The following GRM1 variants were observed in gnomAD, a reference collection of about 807,000 sequenced individuals.
GRM1 encodes metabotropic glutamate receptor 1.
In GRM1, 33 loss-of-function variants were observed where a neutral mutation model predicts 90.9. That is an observed-to-expected ratio of 0.36 (90% CI 0.28 to 0.49). The LOEUF is 0.49. GRM1 is among the 20% of genes least tolerant of loss of function. The pLI, the probability that GRM1 is intolerant of heterozygous loss-of-function variation, is 0.99. For missense variants in GRM1, 1,190 were observed against 1,534.3 expected (o/e 0.78, Z 3.75); for synonymous variants, 700 against 613.2 (o/e 1.14, Z -2.09).
chr6:146,227,833 G>T (rs1780299829), intron 2 of GRM1, among the ~76,000 whole-genome samples: 1 of 152,180 alleles, frequency 6.6e-6, no homozygotes, highest in Non-Finnish European at 1.5e-5. Flanking sequence ...AAGTCATTGT[G>T]TAAATGAGTT....
intron 1 of GRM1, among the ~76,000 whole-genome samples, chr6:146,107,458 A>G (rs1775354994): frequency 6.6e-6 from 1 of 152,018 alleles, no homozygotes; most frequent in Non-Finnish European, 1.5e-5. Flanking sequence ...GAGATCCCTC[A>G]GAGGCTTCCT....
At chr6:146,055,059 G>A (rs1269202546) in intron 1 of GRM1, among the ~76,000 whole-genome samples, 1 of 152,062 alleles carries the variant, frequency 6.6e-6, no homozygotes, top group Admixed American at 6.6e-5. Flanking sequence ...GTAGGAATCT[G>A]CATTTCTTGT....
At chr6:146,310,120 C>T (rs1190481009) in intron 3 of GRM1, among the ~76,000 whole-genome samples, 1 of 152,216 alleles carries the variant, frequency 6.6e-6, no homozygotes, top group Non-Finnish European at 1.5e-5. Flanking sequence ...TCACCAACAG[C>T]TCAGGACTGG....
intron 1 of GRM1, among the ~76,000 whole-genome samples, chr6:146,045,612 T>G (rs1791296149): frequency 1.3e-5 from 2 of 151,886 alleles, no homozygotes; most frequent in Admixed American, 1.3e-4. Flanking sequence ...GTACTGTAAA[T>G]GTAAATGTAA....
intron 2 of GRM1, among the ~76,000 whole-genome samples, chr6:146,222,622 G>C (rs1780106497): frequency 6.6e-6 from 1 of 152,072 alleles, no homozygotes; most frequent in Non-Finnish European, 1.5e-5. Context: ...GCTGCTGATG[G>C]ATTGGTTGAG....
chr6:146,174,524 G>A (rs1439006744), intron 2 of GRM1, among the ~76,000 whole-genome samples: 1 of 152,132 alleles, frequency 6.6e-6, no homozygotes, highest in Non-Finnish European at 1.5e-5. Context: ...GGTATGTTTT[G>A]CCAAAGTAGA....
intron 2 of GRM1, among the ~76,000 whole-genome samples, chr6:146,232,208 A>G (rs183952573): frequency 6.0e-4 from 91 of 152,108 alleles, no homozygotes; most frequent in African/African-American, 2.0e-3. Context: ...AGCAGTGAAA[A>G]TTTATTTTCT....
chr6:146,159,234 A>G lies in GRM1; in HGVS notation c.701-114A>G, dbSNP rs1049199592. On this transcript the variant is annotated intron_variant, in intron 1 of 7. Transcript: ENST00000282753. ...CCGTCAGTCTCAGCCATATTTACAA[A>G]TTATTTGGCAAGTCCGTTCTCTCCA... The G allele has an allele frequency of 3.2e-5, 40 of 1,254,882 alleles. No individual in the cohort carries two copies. The Admixed American group carries it at 5.4e-4, about 17-fold the overall frequency. 77.7% of individuals were successfully genotyped at this position (1,254,882 alleles called of 1,614,324 possible).
intron 2 of GRM1, among the ~76,000 whole-genome samples, chr6:146,280,254 A>G (rs989415674): frequency 1.3e-5 from 2 of 152,050 alleles, no homozygotes; most frequent in Non-Finnish European, 2.9e-5. Context: ...TGCAGAGATC[A>G]TTTTGTGCAG....
chr6:146,347,732 T>C (rs979425420), intron 3 of GRM1, among the ~76,000 whole-genome samples: 2 of 152,234 alleles, frequency 1.3e-5, no homozygotes, highest in African/African-American at 4.8e-5. Context: ...CATGAATGTG[T>C]ACATATGTAA....
intron 1 of GRM1, among the ~76,000 whole-genome samples, chr6:146,136,894 C>G (rs975013516): frequency 6.9e-6 from 1 of 144,246 alleles, no homozygotes; most frequent in Admixed American, 7.2e-5. Context: ...GCTCTGTCAC[C>G]CAGGCTGAAG....
At chr6:146,081,850 T>C (rs1344519309) in intron 1 of GRM1, among the ~76,000 whole-genome samples, 2 of 152,158 alleles carry the variant, frequency 1.3e-5, no homozygotes, top group African/African-American at 4.8e-5. Flanking sequence ...ATAATAACTA[T>C]ACAAAGTTTA....
chr6:146,361,425 G>A (rs111749660), intron 5 of GRM1, among the ~76,000 whole-genome samples: 1 of 152,192 alleles, frequency 6.6e-6, no homozygotes, highest in African/African-American at 2.4e-5. Context: ...CAGGGGCCTT[G>A]TGTGTGTGCT....
rs1207791033 is a variant in GRM1, at chr6:146,270,965, CT to C, written c.951-33636del. 8.4e-4 allele frequency among the ~76,000 whole-genome samples: 86 copies of C among 102,650 alleles called. 1 individual carries two copies. Among genetic ancestry groups the C allele is most frequent in the East Asian group, 2.5e-3 (10 of 4,006 alleles). 67.3% of individuals were successfully genotyped at this position (102,650 alleles called of 152,430 possible). ...CCTTCCTTCCTTCCTTTCTTTCTTTCTTTTTTTTTTCTCTCTCTCTCTTTCT... is the reference window on the plus strand; with the variant it reads ...CCTTCCTTCCTTCCTTTCTTTCTTTCTTTTTTTTTCTCTCTCTCTCTTTCT... On this transcript the variant is annotated intron_variant, in intron 2 of 7. Coordinates refer to ENST00000282753, the MANE Select transcript of GRM1 (RefSeq NM_001278064.2).
intron 1 of GRM1, among the ~76,000 whole-genome samples, chr6:146,135,877 A>G (rs1776598273): frequency 1.3e-5 from 2 of 152,094 alleles, no homozygotes; most frequent in South Asian, 2.1e-4. Context: ...GATCTCATTC[A>G]TTCTTTCTAT....
At chr6:146,045,749 CAAAAAAAAAAAAAAAAA>C in intron 1 of GRM1, among the ~76,000 whole-genome samples, 1 of 87,404 alleles carries the variant, frequency 1.1e-5, no homozygotes, top group South Asian at 4.6e-4. Flanking sequence ...TGGAATACAG[CAAAAAAAAAAAAAAAAA>C]AAAAAAAAAA....
In GRM1 at chr6:146,192,571, C is replaced by G. The variant is rs191967118; in HGVS notation, c.950+32974C>G. ...TAATGATTGTCGTTAGCTTATCTCT[C>G]TCATCCTCCTGTTCCCTTCATTATT... On this transcript the variant is annotated intron_variant, in intron 2 of 7. Transcript: ENST00000282753. Among the ~76,000 whole-genome samples the G allele has an allele frequency of 2.3e-3, 347 of 152,282 alleles. 1 individual carries two copies. The highest frequency in any genetic ancestry group is 7.9e-3 in the African/African-American group (327 of 41,572).
At chr6:146,379,664 A>T (rs1031567311) in intron 5 of GRM1, among the ~76,000 whole-genome samples, 17 of 152,140 alleles carry the variant, frequency 1.1e-4, no homozygotes, top group African/African-American at 3.9e-4. Context: ...GACATTGAAG[A>T]TATAGGTATT....
intron 2 of GRM1, among the ~76,000 whole-genome samples, chr6:146,244,242 G>T (rs774652993): frequency 6.6e-6 from 1 of 152,146 alleles, no homozygotes; most frequent in African/African-American, 2.4e-5. Context: ...AATCACAAGA[G>T]TATTGATTAG....
Sources: gnomAD v4.1 joint callset for allele counts (sites outside exome capture counted in the v4.1 genomes callset) on GRCh38, gnomAD v4.1.1 for gene constraint, MANE v1.5 for transcripts, NCBI Gene and HGNC (gene_info 2026-07-23, HGNC 2026-07-21) for gene names.